Variants in DIAPH2 observed in about 807,000 individuals in gnomAD.
DIAPH2 encodes the protein protein diaphanous homolog 2.
Under a neutral mutation model 92.7 loss-of-function variants are expected in DIAPH2, and 35 were observed. The ratio of observed to expected loss-of-function variants is 0.38; its 90% CI spans 0.29 to 0.50. The LOEUF (loss-of-function observed/expected upper bound fraction) is 0.50, where lower values mean the gene tolerates loss of function less well. Ranked by LOEUF, DIAPH2 falls within the 20% of genes least tolerant of loss-of-function variation. The pLI is 0.94. For synonymous variants in DIAPH2, 301 were observed against 280.4 expected, an observed-to-expected ratio of 1.07 and a Z score of -0.73; for missense variants, 701 against 819.5, an observed-to-expected ratio of 0.86 and a Z score of 1.77.
Position 97,354,563 on chromosome X carries a change from G to A in DIAPH2, c.3009+6283G>A, listed in dbSNP as rs778463086. Among the ~76,000 whole-genome samples the A allele has an allele frequency of 2.0e-4, 22 of 111,980 alleles. No homozygotes were observed. The East Asian group carries it at 5.9e-3, about 30-fold the overall frequency. On this transcript the variant is annotated intron_variant, in intron 24 of 26. Coordinates refer to ENST00000324765, the MANE Select transcript of DIAPH2 (RefSeq NM_006729.5). Reference sequence around the variant, plus strand: ...AATTTTTGTATTTTTAGTAGGAGACGGGGTTTCGCCATGTTGGCCAGGCTG... The same window carrying A: ...AATTTTTGTATTTTTAGTAGGAGACAGGGTTTCGCCATGTTGGCCAGGCTG...
At chrX:97,004,841 A>G (rs901816561) in intron 17 of DIAPH2, among the ~76,000 whole-genome samples, 2 of 112,006 alleles carry the variant, frequency 1.8e-5, no homozygotes, top group East Asian at 2.8e-4. Context: ...ATTATGTTGA[A>G]TAACAGTGGT....
At position 96,885,835 on chromosome X, in the gene DIAPH2, G is replaced by C. The variant is rs1316353291; in HGVS notation, c.587+4117G>C. 3.6e-5 allele frequency among the ~76,000 whole-genome samples: 4 copies of C among 111,594 alleles called. No homozygotes were observed. In the Admixed American group the frequency reaches 3.8e-4, roughly 11 times the overall value. On this transcript the variant is annotated intron_variant, in intron 5 of 26. Transcript: ENST00000324765. The stretch of plus-strand genomic sequence containing the variant: ...ATGGTAAATGGATGCCAGAGTTTCT[G>C]TAAGTTTGATGTGCTGGTGTATTAT...
rs1157274813 is a variant in DIAPH2, at chrX:96,925,856, A to C, written c.979-4877A>C. 3.7e-4 allele frequency among the ~76,000 whole-genome samples: 41 copies of C among 111,468 alleles called. No homozygotes were observed. The Admixed American group carries it at 3.9e-3, about 11-fold the overall frequency. On this transcript the variant is annotated intron_variant, in intron 9 of 26. Coordinates refer to ENST00000324765, the MANE Select transcript of DIAPH2 (RefSeq NM_006729.5). Reference sequence around the variant, plus strand: ...AGATTTTATGCTGTTTTATACCTCTACCTTCATACCTTTGTACATGACTTC... The same window carrying C: ...AGATTTTATGCTGTTTTATACCTCTCCCTTCATACCTTTGTACATGACTTC...
chrX:97,019,899 G>A (rs1451839690), intron 17 of DIAPH2, among the ~76,000 whole-genome samples: 2 of 112,156 alleles, frequency 1.8e-5, no homozygotes, highest in African/African-American at 6.5e-5. Flanking sequence ...CAAAAGACTA[G>A]GATTGTCGCA....
intron 4 of DIAPH2, among the ~76,000 whole-genome samples, chrX:96,766,468 G>GT (rs981912900): frequency 1.1e-4 from 12 of 107,445 alleles, no homozygotes; most frequent in African/African-American, 4.1e-4. Context: ...TTTTTTGTTT[G>GT]TTTTTTTTTC....
At chrX:96,982,429 A>G (rs368291577) in intron 17 of DIAPH2, among the ~76,000 whole-genome samples, 1 of 112,475 alleles carries the variant, frequency 8.9e-6, no homozygotes, top group Non-Finnish European at 1.9e-5. Flanking sequence ...ATAAACTGAT[A>G]ACTTGCTTCT....
At chrX:97,429,922 C>T in intron 26 of DIAPH2, among the ~76,000 whole-genome samples, 177 bp downstream of exon 26, 1 of 111,567 alleles carries the variant, frequency 9.0e-6, no homozygotes, top group East Asian at 2.8e-4. Flanking sequence ...CAAGTTTCAA[C>T]TTGGTAAATG....
chrX:97,251,092 A>G (rs762934879), intron 23 of DIAPH2, among the ~76,000 whole-genome samples: 4 of 111,978 alleles, frequency 3.6e-5, no homozygotes, highest in Non-Finnish European at 7.5e-5. Flanking sequence ...ACTCAGAAAA[A>G]ATTAGATGGT....
chrX:97,082,453 C>G (rs1445795839), intron 19 of DIAPH2, among the ~76,000 whole-genome samples: 1 of 101,821 alleles, frequency 9.8e-6, no homozygotes, highest in East Asian at 3.0e-4. Flanking sequence ...AACCCCGACT[C>G]TACTAAAAAA....
chrX:96,889,233 C>T (rs1186481656), intron 5 of DIAPH2, among the ~76,000 whole-genome samples: 2 of 110,959 alleles, frequency 1.8e-5, no homozygotes, highest in Non-Finnish European at 3.8e-5. Flanking sequence ...TTTAAAAGAT[C>T]GTCTGAAATT....
chrX:97,207,581 A>G (rs938513930), intron 22 of DIAPH2, among the ~76,000 whole-genome samples: 25 of 111,593 alleles, frequency 2.2e-4, no homozygotes, highest in African/African-American at 7.8e-4. Flanking sequence ...CTAAGCAGTT[A>G]AGTGACACGC....
chrX:97,114,826 T>C lies in DIAPH2; in HGVS notation c.2450T>C (p.Val817Ala), dbSNP rs748737895. 1.7e-6 allele frequency: 2 copies of C among 1,211,658 alleles called. No individual in the cohort carries two copies. The highest frequency in any genetic ancestry group is 3.5e-5 in the South Asian group (2 of 56,941). ...INNIKPSIIA[V>A]TLACEELKKS... ...AACATCAAACCAAGCATCATAGCAG[T>C]AACTCTTGCCTGTGAAGAACTGAAG... is the stretch of plus-strand genomic sequence containing the variant. The change falls in exon 21 of 27, where the codon GTA becomes GCA. Residue 817 changes from valine to alanine, a missense_variant. This residue lies in a region of DIAPH2 where 536 missense variants were observed against 599.3 expected (regional missense o/e 0.89). Transcript: ENST00000324765.
At chrX:97,126,005 G>A (rs2067091922) in intron 21 of DIAPH2, among the ~76,000 whole-genome samples, 2 of 111,810 alleles carry the variant, frequency 1.8e-5, no homozygotes, top group Non-Finnish European at 3.8e-5. Flanking sequence ...CATGAAGACT[G>A]TTTTCATAGA....
intron 21 of DIAPH2, among the ~76,000 whole-genome samples, chrX:97,126,666 C>T (rs950965054): frequency 5.4e-5 from 6 of 112,126 alleles, no homozygotes; most frequent in African/African-American, 1.9e-4. Context: ...TATATAATAG[C>T]ACACATGAAA....
At chrX:96,744,371 TAAC>T (rs1190362396) in intron 3 of DIAPH2, among the ~76,000 whole-genome samples, 1 of 112,672 alleles carries the variant, frequency 8.9e-6, no homozygotes, top group Non-Finnish European at 1.9e-5. Context: ...ATTGGTTCAT[TAAC>T]TTGACTAAGC....
At chrX:97,025,838 A>G (rs2066331057) in intron 17 of DIAPH2, among the ~76,000 whole-genome samples, 1 of 112,007 alleles carries the variant, frequency 8.9e-6, no homozygotes, top group Non-Finnish European at 1.9e-5. Context: ...TCTTTCTCCT[A>G]AGTCTCAGTT....
intron 4 of DIAPH2, among the ~76,000 whole-genome samples, chrX:96,869,838 T>A (rs1043916889): frequency 3.6e-5 from 4 of 110,966 alleles, no homozygotes; most frequent in African/African-American, 1.3e-4. Context: ...TATTTCACCC[T>A]TATGACAAGC....
intron 26 of DIAPH2, among the ~76,000 whole-genome samples, chrX:97,500,773 T>TATATCC (rs1244732187): frequency 4.1e-5 from 3 of 73,312 alleles, no homozygotes; most frequent in African/African-American, 8.2e-5. Context: ...GATATATATA[T>TATATCC]ATATATATAT....
intron 5 of DIAPH2, among the ~76,000 whole-genome samples, chrX:96,908,298 T>C (rs760329933): frequency 2.8e-4 from 31 of 111,471 alleles, no homozygotes; most frequent in Admixed American, 7.6e-4. Flanking sequence ...GTTATGAAAA[T>C]TATTAAGAGT....
Sources: allele counts gnomAD v4.1 joint callset (sites outside exome capture counted in the v4.1 genomes callset), GRCh38; gene constraint gnomAD v4.1.1; regional missense constraint gnomAD v4.1.1; transcripts MANE v1.5; gene names NCBI Gene and HGNC (gene_info 2026-07-23, HGNC 2026-07-21).